Variants in DCLK1 observed in about 807,000 individuals in gnomAD.
DCLK1 encodes serine/threonine-protein kinase DCLK1.
In DCLK1, 16 loss-of-function variants were observed where a neutral mutation model predicts 86.2. The ratio of observed to expected loss-of-function variants is 0.19; its 90% CI spans 0.13 to 0.28. The LOEUF is 0.28. Among genes scored for constraint, DCLK1 ranks in the 10% least tolerant of loss-of-function variants. The pLI is 1.00. For synonymous variants in DCLK1, 369 were observed against 370.5 expected (o/e 1.00, Z 0.05); for missense variants, 590 against 940.2 (o/e 0.63, Z 4.87).
chr13:36,093,011 A>G (rs562341967), intron 3 of DCLK1, among the ~76,000 whole-genome samples: 1 of 152,248 alleles, frequency 6.6e-6, no homozygotes, highest in Non-Finnish European at 1.5e-5. Context: ...TATTGTTAAC[A>G]TCACTGATAA....
At chr13:36,061,459 C>T (rs1883545524) in intron 3 of DCLK1, among the ~76,000 whole-genome samples, 1 of 152,124 alleles carries the variant, frequency 6.6e-6, no homozygotes, top group Admixed American at 6.5e-5. Flanking sequence ...CTTCTGATGG[C>T]TGAGAGGGCA....
chr13:35,836,944 T>C (rs976283357), intron 7 of DCLK1, among the ~76,000 whole-genome samples: 1 of 152,206 alleles, frequency 6.6e-6, no homozygotes, highest in African/African-American at 2.4e-5. Context: ...ATCTTAAGGG[T>C]GTAAAAAGTC....
intron 3 of DCLK1, among the ~76,000 whole-genome samples, chr13:36,092,861 T>A (rs1884886154): frequency 6.6e-6 from 1 of 152,126 alleles, no homozygotes; most frequent in African/African-American, 2.4e-5. Context: ...GTTACTAAAT[T>A]CTATGAATTC....
rs550219873 is a variant in DCLK1, at chr13:35,923,768, C to T, written c.823+23590G>A. On this transcript the variant is annotated intron_variant, in intron 4 of 16. Coordinates refer to ENST00000360631, the MANE Select transcript of DCLK1 (RefSeq NM_001330071.2). Reference sequence around the variant, plus strand: ...GTTAGACATAAGCCACACACCTGTCCGAGAAGGGTGACAATTTTGTGAAGA... The same window carrying T: ...GTTAGACATAAGCCACACACCTGTCTGAGAAGGGTGACAATTTTGTGAAGA... 3.1e-3 allele frequency among the ~76,000 whole-genome samples: 473 copies of T among 152,132 alleles called. 2 individuals carry two copies. The highest frequency in any genetic ancestry group is 5.1e-3 in the Non-Finnish European group (350 of 68,010).
At chr13:36,080,474 C>A (rs1156363694) in intron 3 of DCLK1, among the ~76,000 whole-genome samples, 1 of 152,162 alleles carries the variant, frequency 6.6e-6, no homozygotes, top group Non-Finnish European at 1.5e-5. Flanking sequence ...GGGAAATATT[C>A]GTCAAGGTCA....
At chr13:35,933,157 C>T (rs1371410884) in intron 4 of DCLK1, among the ~76,000 whole-genome samples, 2 of 152,226 alleles carry the variant, frequency 1.3e-5, no homozygotes, top group Non-Finnish European at 2.9e-5. Context: ...TCATGTCTCA[C>T]ATCCAGGCCA....
At chr13:36,017,860 A>G (rs1392240097) in intron 3 of DCLK1, among the ~76,000 whole-genome samples, 1 of 152,164 alleles carries the variant, frequency 6.6e-6, no homozygotes, top group African/African-American at 2.4e-5. Flanking sequence ...ACTCTTTGCC[A>G]TAAGAAAGGA....
rs538938860 is a variant in DCLK1, at chr13:35,966,714, C to T, written c.724-19257G>A. Among the ~76,000 whole-genome samples the T allele has an allele frequency of 9.2e-5, 14 of 152,182 alleles. No individual in the cohort carries two copies. The South Asian group carries it at 2.7e-3, about 29-fold the overall frequency. On this transcript the variant is annotated intron_variant, in intron 3 of 16. Coordinates refer to ENST00000360631, the MANE Select transcript of DCLK1 (RefSeq NM_001330071.2). ...GGAGACGGGGTTTCGCCATGTTGGCCGGGCTGGTCTCCAGCTCCTGACCGC... is the reference window on the plus strand; with the variant it reads ...GGAGACGGGGTTTCGCCATGTTGGCTGGGCTGGTCTCCAGCTCCTGACCGC...
intron 3 of DCLK1, among the ~76,000 whole-genome samples, chr13:36,032,130 TTTC>T (rs1301620397): frequency 1.3e-5 from 2 of 151,838 alleles, no homozygotes; most frequent in Non-Finnish European, 2.9e-5. Flanking sequence ...TTCTTTTTCT[TTTC>T]TTTTTTTTTC....
At chr13:36,079,637 A>G (rs1593871770) in intron 3 of DCLK1, among the ~76,000 whole-genome samples, 1 of 152,182 alleles carries the variant, frequency 6.6e-6, no homozygotes, top group Admixed American at 6.5e-5. Flanking sequence ...CATCTTAAAA[A>G]GAAAAAGATA....
chr13:35,804,338 T>G (rs1213009269), intron 15 of DCLK1, among the ~76,000 whole-genome samples: 1 of 149,620 alleles, frequency 6.7e-6, no homozygotes, highest in East Asian at 2.0e-4. Context: ...TTAGCCATGT[T>G]GGCCAGGCTG....
chr13:35,979,053 G>C (rs1474120821), intron 3 of DCLK1, among the ~76,000 whole-genome samples: 1 of 152,170 alleles, frequency 6.6e-6, no homozygotes. Flanking sequence ...AGAAACCTGA[G>C]CTCTGCAGAG....
chr13:35,912,562 C>T (rs1276336168), intron 4 of DCLK1, among the ~76,000 whole-genome samples: 4 of 152,074 alleles, frequency 2.6e-5, no homozygotes, highest in East Asian at 1.9e-4. Context: ...TAGTGACAAC[C>T]GGACTTCAGG....
intron 6 of DCLK1, chr13:35,847,513 T>G (rs1870267732): frequency 1.0e-6 from 1 of 985,066 alleles, no homozygotes; most frequent in Non-Finnish European, 1.2e-6. Flanking sequence ...TATGAAAAAT[T>G]TAGCAGTCCA....
intron 4 of DCLK1, among the ~76,000 whole-genome samples, chr13:35,888,856 C>T (rs1873460598): frequency 6.6e-6 from 1 of 152,022 alleles, no homozygotes. Context: ...AAATATTTAC[C>T]CCATTAATTG....
chr13:35,936,350 T>C (rs1876749321), intron 4 of DCLK1, among the ~76,000 whole-genome samples: 1 of 152,232 alleles, frequency 6.6e-6, no homozygotes, highest in Non-Finnish European at 1.5e-5. Flanking sequence ...TCCAAGGAGA[T>C]GTGTATCAGA....
chr13:36,011,185 A>T (rs1881246937), intron 3 of DCLK1, among the ~76,000 whole-genome samples: 1 of 68,762 alleles, frequency 1.5e-5, no homozygotes, highest in Non-Finnish European at 2.9e-5. Flanking sequence ...CAGCTCCTGG[A>T]TTCATTGATT....
At chr13:35,994,870 A>G (rs1880404375) in intron 3 of DCLK1, among the ~76,000 whole-genome samples, 1 of 152,264 alleles carries the variant, frequency 6.6e-6, no homozygotes, top group Admixed American at 6.5e-5. Context: ...CTGCCTAAAT[A>G]CCACAATGCA....
chr13:36,003,837 T>A (rs1022432238), intron 3 of DCLK1, among the ~76,000 whole-genome samples: 1 of 152,248 alleles, frequency 6.6e-6, no homozygotes, highest in Non-Finnish European at 1.5e-5. Context: ...TTATGATTTT[T>A]AAAATTTAAT....
Sources: allele counts gnomAD v4.1 joint callset (sites outside exome capture counted in the v4.1 genomes callset), GRCh38; gene constraint gnomAD v4.1.1; transcripts MANE v1.5; gene names NCBI Gene and HGNC (gene_info 2026-07-23, HGNC 2026-07-21).